The following TRAPPC9 variants were observed in gnomAD, a reference collection of about 807,000 sequenced individuals.
TRAPPC9 encodes IKK2 binding protein.
A neutral mutation model predicts 124.0 loss-of-function variants in TRAPPC9; 83 were observed. The ratio of observed to expected loss-of-function variants is 0.67; its 90% CI spans 0.56 to 0.80. The LOEUF is 0.80. Among genes scored for constraint, TRAPPC9 ranks in the 30% least tolerant of loss-of-function variants. TRAPPC9 has a pLI of 0.00. For missense variants in TRAPPC9, 1,302 were observed against 1,508.3 expected, an observed-to-expected ratio of 0.86 and a Z score of 2.27; for synonymous variants, 638 against 617.5, an observed-to-expected ratio of 1.03 and a Z score of -0.49.
At chr8:140,054,679 CAAAT>C (rs768159961) in intron 17 of TRAPPC9, among the ~76,000 whole-genome samples, 3 of 151,926 alleles carry the variant, frequency 2.0e-5, no homozygotes, top group Admixed American at 6.6e-5. Context: ...AAAGATGACT[CAAAT>C]AAATAATATC....
At chr8:139,939,975 T>C (rs1833803039) in intron 19 of TRAPPC9, among the ~76,000 whole-genome samples, 1 of 152,224 alleles carries the variant, frequency 6.6e-6, no homozygotes. Flanking sequence ...AGAAACGAGA[T>C]TGAATCTGAA....
chr8:139,948,158 T>C (rs1411846450), intron 19 of TRAPPC9, among the ~76,000 whole-genome samples: 1 of 151,610 alleles, frequency 6.6e-6, no homozygotes, highest in Non-Finnish European at 1.5e-5. Flanking sequence ...GGAACTACGT[T>C]GTACCAGGCA....
At chr8:140,003,077 T>C (rs1293923992) in intron 18 of TRAPPC9, among the ~76,000 whole-genome samples, 3 of 151,992 alleles carry the variant, frequency 2.0e-5, no homozygotes, top group South Asian at 4.1e-4. Context: ...AGTTACGGAA[T>C]TGAAGAAAAC....
chr8:139,904,225 G>T (rs1831199284), intron 20 of TRAPPC9, among the ~76,000 whole-genome samples: 1 of 152,160 alleles, frequency 6.6e-6, no homozygotes, highest in South Asian at 2.1e-4. Context: ...GCACAATCTG[G>T]CAAGGGAGAA....
chr8:139,751,185 A>G (rs1819286344), intron 21 of TRAPPC9, among the ~76,000 whole-genome samples: 1 of 152,128 alleles, frequency 6.6e-6, no homozygotes, highest in South Asian at 2.1e-4. Context: ...CAGGTCTGAA[A>G]CCTCTGGCCC....
At chr8:139,794,153 G>A (rs928843855) in intron 21 of TRAPPC9, among the ~76,000 whole-genome samples, 19 of 151,830 alleles carry the variant, frequency 1.3e-4, no homozygotes, top group East Asian at 3.9e-4. Flanking sequence ...TGCGGCTCAC[G>A]CCTGCCCCGT....
At chr8:139,745,391 A>G (rs1818822206) in intron 21 of TRAPPC9, among the ~76,000 whole-genome samples, 2 of 152,256 alleles carry the variant, frequency 1.3e-5, no homozygotes, top group African/African-American at 2.4e-5. Context: ...GAAATGCCCA[A>G]TGAACAGAGG....
At chr8:140,018,702 T>C (rs1839639472) in intron 18 of TRAPPC9, among the ~76,000 whole-genome samples, 1 of 152,194 alleles carries the variant, frequency 6.6e-6, no homozygotes, top group Admixed American at 6.5e-5. Flanking sequence ...CTAATTTCTT[T>C]GGTGTGGCAG....
chr8:139,936,717 C>T (rs1362085835), intron 19 of TRAPPC9, among the ~76,000 whole-genome samples: 1 of 140,932 alleles, frequency 7.1e-6, no homozygotes, highest in Non-Finnish European at 1.5e-5. Flanking sequence ...GGAGTGGGGA[C>T]TGCAGTGTGG....
chr8:139,834,426 C>T (rs1191158133), intron 21 of TRAPPC9, among the ~76,000 whole-genome samples: 3 of 152,302 alleles, frequency 2.0e-5, no homozygotes, highest in East Asian at 3.9e-4. Context: ...GTGTTCACCA[C>T]GTGACATGCA....
At chr8:140,152,235 T>TAAAAAAAAAAA (rs71320343) in intron 17 of TRAPPC9, among the ~76,000 whole-genome samples, 1 of 106,708 alleles carries the variant, frequency 9.4e-6, no homozygotes, top group Admixed American at 1.0e-4. Context: ...ACTTAAGCTT[T>TAAAAAAAAAAA]AAAAAAAAAA....
intron 21 of TRAPPC9, among the ~76,000 whole-genome samples, chr8:139,866,448 G>A (rs1038582654): frequency 6.6e-6 from 1 of 152,152 alleles, no homozygotes; most frequent in African/African-American, 2.4e-5. Flanking sequence ...GCCTGGCCTG[G>A]GTGCCAGAGC....
chr8:139,757,548 G>A (rs977483820), intron 21 of TRAPPC9, among the ~76,000 whole-genome samples: 6 of 151,990 alleles, frequency 3.9e-5, no homozygotes, highest in Non-Finnish European at 8.8e-5. Context: ...GCGTGTCGCC[G>A]GAGGAGCCAG....
At chr8:140,081,915 T>C (rs374319731) in intron 17 of TRAPPC9, 1 of 152,464 alleles carries the variant, frequency 6.6e-6, no homozygotes, top group Non-Finnish European at 1.5e-5. Context: ...ATGACTTAAC[T>C]AGCACTCACT....
At chr8:139,779,505 T>C (rs1821632566) in intron 21 of TRAPPC9, among the ~76,000 whole-genome samples, 1 of 152,162 alleles carries the variant, frequency 6.6e-6, no homozygotes, top group Non-Finnish European at 1.5e-5. Flanking sequence ...AATAAAGTCC[T>C]GTGGGGCTTA....
At chr8:140,077,573 G>C (rs1843579733) in intron 17 of TRAPPC9, among the ~76,000 whole-genome samples, 1 of 151,964 alleles carries the variant, frequency 6.6e-6, no homozygotes, top group South Asian at 2.1e-4. Flanking sequence ...CTGCTTGCAT[G>C]CATTTGAGCA....
At chr8:139,945,928 T>C (rs1247988449) in intron 19 of TRAPPC9, among the ~76,000 whole-genome samples, 4 of 152,266 alleles carry the variant, frequency 2.6e-5, no homozygotes, top group Admixed American at 6.5e-5. Context: ...AAAGGAATTA[T>C]AGCAAAATAG....
At chr8:140,317,129 A>C (rs2066463226) in intron 9 of TRAPPC9, among the ~76,000 whole-genome samples, 1 of 151,928 alleles carries the variant, frequency 6.6e-6, no homozygotes, top group African/African-American at 2.4e-5. Context: ...AATCTAGCTA[A>C]AGGTTTGTTA....
chr8:140,092,792 T>C (rs1024717942), intron 17 of TRAPPC9, among the ~76,000 whole-genome samples: 1 of 152,218 alleles, frequency 6.6e-6, no homozygotes, highest in Admixed American at 6.5e-5. Flanking sequence ...GTATTTTCCA[T>C]ATTTTTGTAT....
Sources: allele counts gnomAD v4.1 joint callset (sites outside exome capture counted in the v4.1 genomes callset), GRCh38; gene constraint gnomAD v4.1.1; transcripts MANE v1.5; gene names NCBI Gene and HGNC (gene_info 2026-07-23, HGNC 2026-07-21).